The following MLPH variants were observed in gnomAD, a reference collection of about 807,000 sequenced individuals.
The protein encoded by MLPH is melanophilin.
A neutral mutation model predicts 72.1 loss-of-function variants in MLPH; 51 were observed. The observed-to-expected ratio is 0.71, with a 90% CI of 0.56 to 0.89. The LOEUF (loss-of-function observed/expected upper bound fraction) is 0.89, where lower values mean the gene tolerates loss of function less well. Ranked by LOEUF, MLPH falls within the 40% of genes least tolerant of loss-of-function variation. The probability of loss-of-function intolerance (pLI) is 0.00; values close to 1 mark genes in which losing one functional copy is unlikely to be tolerated. For synonymous variants in MLPH, 301 were observed against 310.1 expected (o/e 0.97, Z 0.31); for missense variants, 743 against 759.9 (o/e 0.98, Z 0.26).
In MLPH at chr2:237,553,584, C is replaced by G. The variant is rs1574921955; in HGVS notation, c.1795C>G (p.Gln599Glu). The G allele has an allele frequency of 1.9e-6, 3 of 1,614,212 alleles. No homozygotes were observed. The South Asian group carries it at 3.3e-5, about 18-fold the overall frequency. ...TTTACAGAAACCTGTGGTGGCCCAC[C>G]AGTCCTAACGGGACAGGACAGAGAG... Reference protein sequence around the residue: ...HTFAKPVVAHQS With the variant: ...HTFAKPVVAHES Residue 599 changes from glutamine to glutamate, a missense_variant, in exon 16 of 16, where the codon CAG (glutamine) becomes GAG (glutamate). Gln to Glu is a conservative substitution (Grantham distance 29). Transcript: ENST00000264605.
At chr2:237,494,525 CA>C (rs533965876) in intron 2 of MLPH, among the ~76,000 whole-genome samples, 3 of 152,282 alleles carry the variant, frequency 2.0e-5, no homozygotes, top group South Asian at 2.1e-4. Context: ...TTCTGTTTCA[CA>C]GCGGTGGGCT....
Position 237,550,533 on chromosome 2 carries a change from T to C in MLPH, c.1675+1255T>C, listed in dbSNP as rs1310580599. 2.6e-5 allele frequency among the ~76,000 whole-genome samples: 4 copies of C among 152,040 alleles called. No homozygotes were observed. In the South Asian group the frequency reaches 8.3e-4, roughly 32 times the overall value. On this transcript the variant is annotated intron_variant, in intron 14 of 15. Coordinates refer to ENST00000264605, the MANE Select transcript of MLPH (RefSeq NM_024101.7). ...TTCCTGCACATCTCGTGGGCTGAAA[T>C]CCAGGTGGAGATTCTTGTTTTGTTT...
chr2:237,519,901 C>A lies in MLPH; in HGVS notation c.556-9C>A, dbSNP rs1450999570. On this transcript the variant is annotated splice_polypyrimidine_tract_variant and intron_variant, in intron 5 of 15. Coordinates refer to ENST00000264605, the MANE Select transcript of MLPH (RefSeq NM_024101.7). ...GACTTGAGTCTTGCCCTGTCTTGTG[C>A]CTGCTAAGAAAAAGCGCCTCCTCTC... is the stretch of plus-strand genomic sequence containing the variant. 6.2e-7 allele frequency: 1 copy of A among 1,613,804 alleles called. No individual in the cohort carries two copies. Among genetic ancestry groups the A allele is most frequent in the South Asian group, 1.1e-5 (1 of 91,092 alleles).
Position 237,510,512 on chromosome 2 carries a change from C to T in MLPH, c.111-62C>T. On this transcript the variant is annotated intron_variant, in intron 2 of 15. Transcript: ENST00000264605. The surrounding 1 kb of genome is among the most constrained non-coding windows in gnomAD (Gnocchi z 4.4). ...GTGTGTGTGTATGTACGTGTACACA[C>T]TTAAAGCCTGTTGCAAAAACAAGAT... The T allele has an allele frequency of 6.8e-7, 1 of 1,478,566 alleles. No homozygotes were observed. Among genetic ancestry groups the T allele is most frequent in the Non-Finnish European group, 9.4e-7 (1 of 1,066,956 alleles). The allele number at this position is 1,478,566 out of a possible 1,614,324, so 91.6% of individuals were successfully genotyped here.
Position 237,551,793 on chromosome 2 carries a change from C to A in MLPH, c.1676-544C>A, listed in dbSNP as rs189726910. 5.9e-3 allele frequency among the ~76,000 whole-genome samples: 900 copies of A among 152,170 alleles called. 8 individuals are homozygous for A. Among genetic ancestry groups the A allele is most frequent in the Admixed American group, 0.011 (164 of 15,282 alleles). ...AGGAGTTCGAGACCAGCCTGGCCAA[C>A]ATGGTGAAACCCCATCTCTACTAAA... On this transcript the variant is annotated intron_variant, in intron 14 of 15. Coordinates refer to ENST00000264605, the MANE Select transcript of MLPH (RefSeq NM_024101.7).
intron 6 of MLPH, among the ~76,000 whole-genome samples, chr2:237,525,395 A>G (rs2080280382): frequency 1.3e-5 from 2 of 152,214 alleles, no homozygotes; most frequent in African/African-American, 4.8e-5. Context: ...GGCAGTCAGT[A>G]GGCAACAAAT....
intron 8 of MLPH, among the ~76,000 whole-genome samples, chr2:237,528,967 T>C (rs1383117925): frequency 2.0e-5 from 3 of 152,222 alleles, no homozygotes; most frequent in Non-Finnish European, 4.4e-5. Context: ...ATATATATTT[T>C]ATACTTGATC....
At chr2:237,546,718 A>T (rs1477909393) in intron 13 of MLPH, 35 bp downstream of exon 13, 1 of 1,576,468 alleles carries the variant, frequency 6.3e-7, no homozygotes, top group East Asian at 2.2e-5. Context: ...CAGACACCCG[A>T]CAAAGGTGGA....
chr2:237,509,833 G>C (rs895828102), intron 2 of MLPH, among the ~76,000 whole-genome samples: 1 of 152,156 alleles, frequency 6.6e-6, no homozygotes, highest in Non-Finnish European at 1.5e-5. Flanking sequence ...AAATCAGTGT[G>C]CTTCAGAGTT....
chr2:237,534,600 T>A lies in MLPH; in HGVS notation c.1057T>A (p.Cys353Ser). The change falls in exon 9 of 16, where the codon TGC becomes AGC. Residue 353 changes from cysteine to serine, a missense_variant. Transcript: ENST00000264605. ...ELNKHISAVE[C>S]LLTYLENTVV... ...GAATAAGCATATTTCAGCTGTGGAA[T>A]GCCTGCTGACCTACCTGGAGAACAC... 1 of 1,613,944 alleles carries A rather than the reference T, an allele frequency of 6.2e-7. No homozygotes were observed. The highest frequency in any genetic ancestry group is 8.5e-7 in the Non-Finnish European group (1 of 1,179,886).
Position 237,540,918 on chromosome 2 carries a change from G to A in MLPH, c.1407G>A (p.Val469=). The change falls in exon 11 of 16, where the codon GTG becomes GTA. Residue 469 remains valine, a synonymous_variant. Coordinates refer to ENST00000264605, the MANE Select transcript of MLPH (RefSeq NM_024101.7). The part of the protein sequence containing the change: ...DEELSELEDR[V]AVTASEVQQA... ...AGCTGTCAGAGCTGGAGGACAGAGT[G>A]GCAGTGACGGCCTCAGAAGTCCAGC... The A allele has an allele frequency of 2.5e-6, 4 of 1,610,684 alleles. No individual in the cohort carries two copies. The highest frequency in any genetic ancestry group is 2.2e-5 in the East Asian group (1 of 44,850).
chr2:237,521,766 GGTTGGGC>G, intron 6 of MLPH, among the ~76,000 whole-genome samples: 1 of 126,834 alleles, frequency 7.9e-6, no homozygotes, highest in African/African-American at 5.1e-5. Flanking sequence ...CTGGGACTGG[GGTTGGGC>G]CTTCAAACAC....
rs1202627865 is a variant in MLPH, at chr2:237,512,779, C to A, written c.445+1678C>A. Among the ~76,000 whole-genome samples the A allele has an allele frequency of 6.6e-6, 1 of 152,120 alleles. No homozygotes were observed. Among genetic ancestry groups the A allele is most frequent in the Non-Finnish European group, 1.5e-5 (1 of 68,010 alleles). ...GTCAAGCATCTCAGAATCTCAACCC[C>A]AGAGGCAGTCTTTAGGGACTGGGGT... On this transcript the variant is annotated intron_variant, in intron 4 of 15. Transcript: ENST00000264605. The surrounding 1 kb of genome is among the most constrained non-coding windows in gnomAD (Gnocchi z 5.5).
intron 2 of MLPH, among the ~76,000 whole-genome samples, chr2:237,506,491 T>A (rs895375751): frequency 4.7e-4 from 72 of 152,190 alleles, no homozygotes; most frequent in African/African-American, 1.7e-3. Flanking sequence ...GCAATTCCTG[T>A]CCCTTTTAAG....
chr2:237,527,612 A>C (rs1266079153), intron 8 of MLPH, 96 bp downstream of exon 8: 1 of 1,489,682 alleles, frequency 6.7e-7, no homozygotes, highest in Non-Finnish European at 9.3e-7. Flanking sequence ...ACAGCTTTTA[A>C]TACTTTCAAA....
intron 2 of MLPH, among the ~76,000 whole-genome samples, chr2:237,497,237 C>T (rs759365862): frequency 1.9e-4 from 29 of 152,196 alleles, no homozygotes; most frequent in African/African-American, 6.3e-4. Context: ...CACCTCCTGC[C>T]GTGCAATTCG....
intron 11 of MLPH, 87 bp from the exon 12 acceptor site, chr2:237,542,480 G>A (rs2080711943): frequency 1.8e-6 from 2 of 1,096,242 alleles, no homozygotes; most frequent in Non-Finnish European, 2.7e-6. Flanking sequence ...GGACTGAGCT[G>A]GGGGCAGCTG....
At chr2:237,519,239 G>A (rs78082726) in intron 5 of MLPH, among the ~76,000 whole-genome samples, 3,095 of 152,182 alleles carry the variant, frequency 0.02, 127 homozygotes, top group African/African-American at 0.07. Flanking sequence ...TAGGTGAGCA[G>A]GGGTTCAGAC....
chr2:237,502,311 AC>A (rs1559338365), intron 2 of MLPH, among the ~76,000 whole-genome samples: 1 of 152,214 alleles, frequency 6.6e-6, no homozygotes, highest in Admixed American at 6.5e-5. Context: ...GTTAATAGTC[AC>A]AGCTTTTAAC....
Sources: gnomAD v4.1 joint callset for allele counts (sites outside exome capture counted in the v4.1 genomes callset) on GRCh38, gnomAD v4.1.1 for gene constraint, Gnocchi (gnomAD v3.1) non-coding constraint, MANE v1.5 for transcripts, NCBI Gene and HGNC (gene_info 2026-07-23, HGNC 2026-07-21) for gene names.